IL1RAPL2: variants seen among roughly 807,000 people sequenced by gnomAD.
The protein encoded by IL1RAPL2 is interleukin 1 receptor accessory protein like 2, also known as X-linked interleukin-1 receptor accessory protein-like 2.
A neutral mutation model predicts 44.1 loss-of-function variants in IL1RAPL2; 3 were observed. That is an observed-to-expected ratio of 0.07 (90% CI 0.03 to 0.18). The LOEUF (loss-of-function observed/expected upper bound fraction) is 0.18, where lower values mean the gene tolerates loss of function less well. Among genes scored for constraint, IL1RAPL2 ranks in the 10% least tolerant of loss-of-function variants. The pLI, the probability that IL1RAPL2 is intolerant of heterozygous loss-of-function variation, is 1.00. For missense variants in IL1RAPL2, 391 were observed against 496.4 expected, an observed-to-expected ratio of 0.79 and a Z score of 2.02; for synonymous variants, 181 against 178.8, an observed-to-expected ratio of 1.01 and a Z score of -0.10.
chrX:104,763,411 T>C (rs1278675802), intron 2 of IL1RAPL2, among the ~76,000 whole-genome samples: 1 of 112,125 alleles, frequency 8.9e-6, no homozygotes, highest in Admixed American at 9.4e-5. Context: ...GTTCAAACTT[T>C]CCCACATTTT....
At chrX:105,384,201 G>T in intron 5 of IL1RAPL2, among the ~76,000 whole-genome samples, 1 of 111,485 alleles carries the variant, frequency 9.0e-6, no homozygotes, top group African/African-American at 3.3e-5. Context: ...ATGTCCTGAA[G>T]CATTTCCCCA....
intron 2 of IL1RAPL2, among the ~76,000 whole-genome samples, chrX:104,712,434 A>G (rs1205015505): frequency 9.0e-6 from 1 of 110,659 alleles, no homozygotes; most frequent in Non-Finnish European, 1.9e-5. Flanking sequence ...TCTGCAGATG[A>G]TTCATTTCTG....
intron 2 of IL1RAPL2, among the ~76,000 whole-genome samples, chrX:105,122,298 T>A (rs2032933492): frequency 8.9e-6 from 1 of 111,884 alleles, no homozygotes; most frequent in Non-Finnish European, 1.9e-5. Flanking sequence ...AGTCAAACAC[T>A]CAACTTCTTA....
chrX:104,992,470 G>A (rs935789853), intron 2 of IL1RAPL2, among the ~76,000 whole-genome samples: 1 of 111,368 alleles, frequency 9.0e-6, no homozygotes, highest in African/African-American at 3.3e-5. Context: ...AGGATGTGAT[G>A]GTTGAAGGAC....
At chrX:104,668,552 G>T (rs778896537) in intron 2 of IL1RAPL2, among the ~76,000 whole-genome samples, 1 of 99,449 alleles carries the variant, frequency 1.0e-5, no homozygotes, top group East Asian at 3.3e-4. Flanking sequence ...GCTATAATAG[G>T]AAGGTTCAAT....
chrX:105,640,053 ATATCTATC>A (rs200685509), intron 6 of IL1RAPL2, among the ~76,000 whole-genome samples: 2 of 110,985 alleles, frequency 1.8e-5, no homozygotes, highest in African/African-American at 6.6e-5. Flanking sequence ...ACCTATCTGC[ATATCTATC>A]TATCTATCTA....
rs1225869367 is a variant in IL1RAPL2 at position 104,786,105 on chromosome X, G to A, written c.82+127110G>A. Reference sequence around the variant, plus strand: ...AATCAGATGACCTGGTTCAAGGTCAGTGCCAACCCTAAGCTGTTTTTCTTT... The same window carrying A: ...AATCAGATGACCTGGTTCAAGGTCAATGCCAACCCTAAGCTGTTTTTCTTT... On this transcript the variant is annotated intron_variant, in intron 2 of 10. Coordinates refer to ENST00000372582, the MANE Select transcript of IL1RAPL2 (RefSeq NM_017416.2). 1.8e-5 allele frequency among the ~76,000 whole-genome samples: 2 copies of A among 112,470 alleles called. 1 individual carries two copies. The highest frequency in any genetic ancestry group is 1.9e-4 in the Admixed American group (2 of 10,636).
intron 2 of IL1RAPL2, among the ~76,000 whole-genome samples, chrX:104,808,387 C>T: frequency 9.0e-6 from 1 of 111,451 alleles, no homozygotes; most frequent in Non-Finnish European, 1.9e-5. Flanking sequence ...AATTAAGAGA[C>T]TTAGATTTAT....
intron 2 of IL1RAPL2, among the ~76,000 whole-genome samples, chrX:104,838,944 G>C (rs767440279): frequency 1.0e-5 from 1 of 99,955 alleles, no homozygotes; most frequent in Non-Finnish European, 2.0e-5. Context: ...CTGCCTCCTA[G>C]GTTCAAGTGA....
intron 5 of IL1RAPL2, among the ~76,000 whole-genome samples, chrX:105,297,228 A>C (rs1382224698): frequency 1.8e-5 from 2 of 111,715 alleles, no homozygotes; most frequent in African/African-American, 3.3e-5. Flanking sequence ...AATAAAAGTC[A>C]GTGTGCTTGA....
intron 2 of IL1RAPL2, among the ~76,000 whole-genome samples, chrX:104,756,564 G>A (rs1932343109): frequency 9.0e-6 from 1 of 110,536 alleles, no homozygotes; most frequent in Non-Finnish European, 1.9e-5. Context: ...ATCAGACACT[G>A]TTCTAGGTAT....
chrX:105,698,008 G>A (rs192644696), intron 6 of IL1RAPL2, among the ~76,000 whole-genome samples: 2 of 110,953 alleles, frequency 1.8e-5, no homozygotes, highest in African/African-American at 6.5e-5. Flanking sequence ...TGCTTCCTGA[G>A]ATTCAGATCA....
intron 2 of IL1RAPL2, among the ~76,000 whole-genome samples, chrX:104,747,574 T>G (rs1000629329): frequency 1.8e-5 from 2 of 110,868 alleles, no homozygotes; most frequent in Non-Finnish European, 3.8e-5. Flanking sequence ...CCATATAGAC[T>G]AAGAAAACTG....
chrX:105,493,057 C>T (rs977666475), intron 6 of IL1RAPL2, among the ~76,000 whole-genome samples: 39 of 112,038 alleles, frequency 3.5e-4, no homozygotes, highest in African/African-American at 1.3e-3. Flanking sequence ...AGGCTTCTTA[C>T]ATTTAGCATA....
intron 2 of IL1RAPL2, among the ~76,000 whole-genome samples, chrX:104,854,065 G>A (rs770791803): frequency 1.2e-4 from 13 of 111,722 alleles, no homozygotes; most frequent in Non-Finnish European, 2.1e-4. Context: ...GATGCTTTAG[G>A]AAGGGTTGTC....
chrX:104,680,563 T>A (rs1348354583), intron 2 of IL1RAPL2, among the ~76,000 whole-genome samples: 1 of 111,160 alleles, frequency 9.0e-6, no homozygotes, highest in Non-Finnish European at 1.9e-5. Flanking sequence ...GAGCCCGAAT[T>A]TTCATTTTGC....
intron 2 of IL1RAPL2, among the ~76,000 whole-genome samples, chrX:105,161,451 GA>G (rs1440858227): frequency 9.2e-6 from 1 of 109,009 alleles, no homozygotes; most frequent in East Asian, 2.9e-4. Flanking sequence ...GCAGATTCAA[GA>G]TACAAAAATT....
intron 6 of IL1RAPL2, among the ~76,000 whole-genome samples, chrX:105,520,562 TA>T (rs1180633526): frequency 1.8e-5 from 2 of 111,758 alleles, no homozygotes; most frequent in African/African-American, 3.3e-5. Flanking sequence ...CTTCTTGACT[TA>T]AAATTGTGCC....
intron 2 of IL1RAPL2, among the ~76,000 whole-genome samples, chrX:104,694,649 A>G (rs1462779978): frequency 9.0e-6 from 1 of 111,530 alleles, no homozygotes; most frequent in African/African-American, 3.3e-5. Context: ...TTTGATTCTA[A>G]AAGTAGGGAA....
Sources: allele counts gnomAD v4.1 joint callset (sites outside exome capture counted in the v4.1 genomes callset), GRCh38; gene constraint gnomAD v4.1.1; transcripts MANE v1.5; gene names NCBI Gene and HGNC (gene_info 2026-07-23, HGNC 2026-07-21).